The following CSNK2A2IP variants were observed in gnomAD, a reference collection of about 807,000 sequenced individuals.
The protein encoded by CSNK2A2IP is casein kinase 2 subunit alpha' interacting protein.
the CSNK2A2IP span, among the ~76,000 whole-genome samples, chr3:88,394,645 A>T: frequency 1.7e-4 from 26 of 152,218 alleles, no homozygotes; most frequent in Non-Finnish European, 2.9e-4. Flanking sequence ...AAGCACTGGG[A>T]TTACAGGCCT....
At chr3:88,362,175 G>C in the CSNK2A2IP span, among the ~76,000 whole-genome samples, 4 of 152,024 alleles carry the variant, frequency 2.6e-5, no homozygotes, top group Non-Finnish European at 4.4e-5. Context: ...ATTGATATCT[G>C]GTCATTGAAG....
the CSNK2A2IP span, among the ~76,000 whole-genome samples, chr3:88,351,533 T>G: frequency 6.6e-6 from 1 of 152,138 alleles, no homozygotes; most frequent in Non-Finnish European, 1.5e-5. Flanking sequence ...AGTCAATATG[T>G]TGGTGAACAT....
At chr3:88,352,187 TAGTG>T in the CSNK2A2IP span, among the ~76,000 whole-genome samples, 1 of 152,170 alleles carries the variant, frequency 6.6e-6, no homozygotes, top group African/African-American at 2.4e-5. Context: ...GTTTTATTGT[TAGTG>T]AGTTCATGTT....
the CSNK2A2IP span, among the ~76,000 whole-genome samples, chr3:88,457,648 A>G: frequency 6.6e-6 from 1 of 151,534 alleles, no homozygotes; most frequent in Non-Finnish European, 1.5e-5. Flanking sequence ...GTGAGCCGAG[A>G]TCGTGCTATT....
the CSNK2A2IP span, among the ~76,000 whole-genome samples, chr3:88,360,819 G>GT: frequency 2.0e-4 from 10 of 50,248 alleles, no homozygotes; most frequent in African/African-American, 4.1e-4. Context: ...TAATTTTTTG[G>GT]TTTTTTTTAT....
the CSNK2A2IP span, among the ~76,000 whole-genome samples, chr3:88,417,362 G>A: frequency 6.6e-6 from 1 of 152,086 alleles, no homozygotes; most frequent in African/African-American, 2.4e-5. Context: ...GGAAGGGCAG[G>A]CATTTTAAAA....
chr3:88,358,937 T>C, the CSNK2A2IP span, among the ~76,000 whole-genome samples: 2 of 151,962 alleles, frequency 1.3e-5, no homozygotes, highest in South Asian at 2.1e-4. Context: ...TTGGTAGAAT[T>C]CAGCAGTGAG....
chr3:88,451,174 C>T, the CSNK2A2IP span, among the ~76,000 whole-genome samples: 1 of 151,840 alleles, frequency 6.6e-6, no homozygotes, highest in Non-Finnish European at 1.5e-5. Context: ...TGTATTCAGT[C>T]CTAAAAAAGG....
the CSNK2A2IP span, among the ~76,000 whole-genome samples, chr3:88,444,718 G>A: frequency 6.6e-6 from 1 of 152,130 alleles, no homozygotes; most frequent in African/African-American, 2.4e-5. Flanking sequence ...CTGCTAAGTG[G>A]AAAACATGAA....
chr3:88,462,547 TTACTA>T, the CSNK2A2IP span, among the ~76,000 whole-genome samples: 28 of 152,196 alleles, frequency 1.8e-4, no homozygotes, highest in Non-Finnish European at 3.2e-4. Flanking sequence ...TATACAGAAA[TTACTA>T]TAATTATACA....
the CSNK2A2IP span, among the ~76,000 whole-genome samples, chr3:88,435,343 C>T: frequency 6.6e-6 from 1 of 151,990 alleles, no homozygotes; most frequent in South Asian, 2.1e-4. Context: ...CTGATTATGG[C>T]CAGGAAAATA....
At chr3:88,420,009 G>T in the CSNK2A2IP span, among the ~76,000 whole-genome samples, 1 of 152,076 alleles carries the variant, frequency 6.6e-6, no homozygotes, top group Admixed American at 6.5e-5. Context: ...AGAATCACCT[G>T]GGAAGATATT....
At chr3:88,459,548 G>A in the CSNK2A2IP span, among the ~76,000 whole-genome samples, 1 of 151,746 alleles carries the variant, frequency 6.6e-6, no homozygotes, top group Non-Finnish European at 1.5e-5. Context: ...TTCTTGTTTT[G>A]TTTTGTTTTC....
At chr3:88,425,047 A>T in the CSNK2A2IP span, among the ~76,000 whole-genome samples, 1 of 152,070 alleles carries the variant, frequency 6.6e-6, no homozygotes, top group Admixed American at 6.5e-5. Flanking sequence ...TATGAGTTAC[A>T]TCATTAACAT....
the CSNK2A2IP span, among the ~76,000 whole-genome samples, chr3:88,428,522 C>T: frequency 6.6e-6 from 1 of 152,080 alleles, no homozygotes; most frequent in African/African-American, 2.4e-5. Context: ...CCCATAATCC[C>T]CACATGTTGC....
At chr3:88,375,286 C>G in the CSNK2A2IP span, among the ~76,000 whole-genome samples, 138 of 151,878 alleles carry the variant, frequency 9.1e-4, 1 homozygote, top group African/African-American at 3.1e-3. Context: ...CCTTACTACT[C>G]TCCTCTTATA....
At chr3:88,404,594 C>T in the CSNK2A2IP span, among the ~76,000 whole-genome samples, 1 of 122,670 alleles carries the variant, frequency 8.2e-6, no homozygotes, top group South Asian at 2.9e-4. Context: ...TCCATTTACT[C>T]TTTGTTTCTC....
At chr3:88,397,954 T>C in the CSNK2A2IP span, among the ~76,000 whole-genome samples, 15 of 152,192 alleles carry the variant, frequency 9.9e-5, no homozygotes, top group Admixed American at 2.6e-4. Flanking sequence ...AGCCAGTAAA[T>C]TGATTTCATT....
At chr3:88,441,748 T>C in the CSNK2A2IP span, among the ~76,000 whole-genome samples, 1 of 152,314 alleles carries the variant, frequency 6.6e-6, no homozygotes, top group Admixed American at 6.5e-5. Flanking sequence ...GTCTTCCTTT[T>C]TTATTCATTT....
Sources: gnomAD v4.1 joint callset for allele counts (sites outside exome capture counted in the v4.1 genomes callset) on GRCh38, gnomAD v4.1.1 for gene constraint, MANE v1.5 for transcripts, NCBI Gene and HGNC (gene_info 2026-07-23, HGNC 2026-07-21) for gene names.